The following DST variants were observed in gnomAD, a reference collection of about 807,000 sequenced individuals.
DST encodes bullous pemphigoid antigen.
DST carries 253 observed loss-of-function variants against 875.2 expected under a neutral mutation model. That is an observed-to-expected ratio of 0.29 (90% CI 0.26 to 0.32). The LOEUF (loss-of-function observed/expected upper bound fraction) is 0.32, where lower values mean the gene tolerates loss of function less well. Among genes scored for constraint, DST ranks in the 10% least tolerant of loss-of-function variants. The probability of loss-of-function intolerance (pLI) is 1.00; values close to 1 mark genes in which losing one functional copy is unlikely to be tolerated. For missense variants in DST, 8,287 were observed against 9,111.6 expected (o/e 0.91, Z 3.68); for synonymous variants, 3,124 against 3,197.1 (o/e 0.98, Z 0.77).
In DST at chr6:56,606,427, T is replaced by G. The variant is rs772119653; in HGVS notation, c.8201A>C (p.Glu2734Ala). The G allele has an allele frequency of 1.9e-6, 3 of 1,613,438 alleles. No individual in the cohort carries two copies. The highest frequency in any genetic ancestry group is 4.5e-5 in the East Asian group (2 of 44,870). Reference sequence around the variant, plus strand: ...AGTCAATGAGTCAGATTCATCACCTTCAAGGATATTTGTGCATTCCCTTTC... The same window carrying G: ...AGTCAATGAGTCAGATTCATCACCTGCAAGGATATTTGTGCATTCCCTTTC... ...GSERECTNIL[E>A]GDESDSLTDY... is the part of the protein sequence containing the mutation. The change falls in exon 40 of 104, where the codon GAA (glutamate) becomes GCA (alanine). Residue 2734 changes from glutamate to alanine, a missense_variant. Glu to Ala is a moderately radical substitution (Grantham distance 107). Around this residue, in one of 10 missense-constraint regions of DST, gnomAD observed 3,138 missense variants for 3,116.6 expected, o/e 1.01. Transcript: ENST00000680361.
chr6:56,576,076 T>A (rs138007619), intron 50 of DST, among the ~76,000 whole-genome samples: 2 of 152,252 alleles, frequency 1.3e-5, no homozygotes, highest in East Asian at 1.9e-4. Flanking sequence ...CAATGGCCAA[T>A]GATGTAATCA....
chr6:56,919,822 C>G (rs1208645606), intron 2 of DST, among the ~76,000 whole-genome samples: 1 of 152,104 alleles, frequency 6.6e-6, no homozygotes, highest in Non-Finnish European at 1.5e-5. Flanking sequence ...TGGCATGCAC[C>G]TGTAATCCCA....
In DST at chr6:56,535,859, T is replaced by C. The variant is rs544193539; in HGVS notation, c.16771-567A>G. 2.6e-5 allele frequency among the ~76,000 whole-genome samples: 4 copies of C among 152,304 alleles called. No individual in the cohort carries two copies. In the East Asian group the frequency reaches 7.7e-4, roughly 29 times the overall value. ...AGTCTCTGTGTCCTACATAGAGATA[T>C]CTTATTGCTTGTCTCAACAGATATT... On this transcript the variant is annotated intron_variant, in intron 62 of 103. Transcript: ENST00000680361.
Position 56,628,152 on chromosome 6 carries a change from G to A in DST, c.4485C>T (p.Asp1495=). ...TCAGTGATTTGCCAATGCCCTCTAAGTCCCGTAACCTAAGAGAATAGTAAC... is the reference window on the plus strand; with the variant it reads ...TCAGTGATTTGCCAATGCCCTCTAAATCCCGTAACCTAAGAGAATAGTAAC... ...VHVQIDNRLR[D]LEGIGKSLKY... The change falls in exon 33 of 104, where the codon GAC becomes GAT. Residue 1495 remains aspartate, a synonymous_variant. Transcript: ENST00000680361. 6.2e-7 allele frequency: 1 copy of A among 1,613,394 alleles called. No homozygotes were observed. Among genetic ancestry groups the A allele is most frequent in the Non-Finnish European group, 8.5e-7 (1 of 1,179,402 alleles).
chr6:56,576,320 G>C (rs535296105), intron 50 of DST, among the ~76,000 whole-genome samples: 1 of 152,130 alleles, frequency 6.6e-6, no homozygotes, highest in Non-Finnish European at 1.5e-5. Context: ...CTTTCTCTGA[G>C]TTCTGTGAGT....
intron 4 of DST, among the ~76,000 whole-genome samples, chr6:56,789,997 A>T (rs1227795086): frequency 6.6e-6 from 1 of 152,128 alleles, no homozygotes; most frequent in Non-Finnish European, 1.5e-5. Flanking sequence ...TCTACCAGGG[A>T]TGCTCTCTTC....
intron 2 of DST, among the ~76,000 whole-genome samples, chr6:56,912,186 A>G (rs1331805290): frequency 1.3e-5 from 2 of 152,142 alleles, no homozygotes; most frequent in South Asian, 2.1e-4. Context: ...TCATTCCATC[A>G]TTAGAACAGT....
In DST at chr6:56,892,148, C is replaced by G. The variant is rs186928645; in HGVS notation, c.417+8273G>C. Among the ~76,000 whole-genome samples, 14 of 152,270 alleles carry G rather than the reference C, an allele frequency of 9.2e-5. No individual in the cohort carries two copies. In the East Asian group the frequency reaches 2.7e-3, roughly 29 times the overall value. The stretch of plus-strand genomic sequence containing the variant: ...ACCTATTACAGTGTCTTCAGAAGCA[C>G]AGAAAAGAAAGCTTAAACCAGTGGT... On this transcript the variant is annotated intron_variant, in intron 3 of 103. Transcript: ENST00000680361.
At chr6:56,650,499 C>T (rs537439443) in intron 12 of DST, among the ~76,000 whole-genome samples, 13 of 152,202 alleles carry the variant, frequency 8.5e-5, no homozygotes, top group Non-Finnish European at 1.8e-4. Flanking sequence ...TCCTTTAAAT[C>T]ACAAAAATGT....
chr6:56,798,248 T>G (rs2099742671), intron 4 of DST, among the ~76,000 whole-genome samples: 1 of 152,158 alleles, frequency 6.6e-6, no homozygotes, highest in African/African-American at 2.4e-5. Flanking sequence ...ACTTTCATAG[T>G]TGGAGAGAAG....
chr6:56,788,330 T>C (rs1417928083), intron 4 of DST, among the ~76,000 whole-genome samples: 3 of 151,706 alleles, frequency 2.0e-5, no homozygotes, highest in Admixed American at 6.6e-5. Context: ...GCCTCCCAAG[T>C]AGTTGGGACT....
chr6:56,568,682 T>C (rs946627781), intron 54 of DST, 87 bp from the exon 55 acceptor site: 2 of 1,194,456 alleles, frequency 1.7e-6, no homozygotes, highest in Non-Finnish European at 2.3e-6. Context: ...TATCTTAAAG[T>C]AGTAATAATT....
intron 9 of DST, chr6:56,692,932 G>A (rs938594759): frequency 7.8e-7 from 1 of 1,289,764 alleles, no homozygotes. Context: ...GGATAAAGGA[G>A]CTGGCTGTTC....
At chr6:56,718,207 A>G (rs2099401677) in intron 5 of DST, among the ~76,000 whole-genome samples, 1 of 152,242 alleles carries the variant, frequency 6.6e-6, no homozygotes, top group South Asian at 2.1e-4. Context: ...CCTAGGTGAC[A>G]GAGCAAGACC....
At chr6:56,566,578 T>C (rs1026923229) in intron 55 of DST, among the ~76,000 whole-genome samples, 3 of 152,166 alleles carry the variant, frequency 2.0e-5, no homozygotes, top group Non-Finnish European at 4.4e-5. Flanking sequence ...CAGTTGGAAA[T>C]GCAGAAATCA....
At chr6:56,618,152 T>G in intron 36 of DST, 2 of 1,614,204 alleles carry the variant, frequency 1.2e-6, no homozygotes, top group Non-Finnish European at 1.7e-6. Flanking sequence ...GGTGCTTGTC[T>G]GAGAAAAGTA....
At chr6:56,737,002 G>C (rs917458717) in intron 4 of DST, among the ~76,000 whole-genome samples, 4 of 89,630 alleles carry the variant, frequency 4.5e-5, no homozygotes, top group African/African-American at 1.7e-4. Context: ...GATGAAATCC[G>C]GGGCAACATG....
At chr6:56,825,243 G>A (rs2099778836) in intron 4 of DST, among the ~76,000 whole-genome samples, 1 of 148,804 alleles carries the variant, frequency 6.7e-6, no homozygotes, top group Non-Finnish European at 1.5e-5. Flanking sequence ...TCCACTCAGG[G>A]TTAAATGGAT....
At chr6:56,813,469 T>C (rs989691119) in intron 4 of DST, among the ~76,000 whole-genome samples, 7 of 152,150 alleles carry the variant, frequency 4.6e-5, no homozygotes, top group Non-Finnish European at 1.0e-4. Flanking sequence ...TTAATTCTTA[T>C]GCTATTTCTT....
Sources: gnomAD v4.1 joint callset for allele counts (sites outside exome capture counted in the v4.1 genomes callset) on GRCh38, gnomAD v4.1.1 for gene constraint, gnomAD v4.1.1 regional missense constraint, MANE v1.5 for transcripts, NCBI Gene and HGNC (gene_info 2026-07-23, HGNC 2026-07-21) for gene names.